The following UBE2E1 variants were observed in gnomAD, a reference collection of about 807,000 sequenced individuals.
The protein encoded by UBE2E1 is ubiquitin-conjugating enzyme E2 E1.
UBE2E1 carries 6 observed loss-of-function variants against 21.4 expected under a neutral mutation model. The ratio of observed to expected loss-of-function variants is 0.28; its 90% CI spans 0.15 to 0.55. The LOEUF (loss-of-function observed/expected upper bound fraction) is 0.55, where lower values mean the gene tolerates loss of function less well. Ranked by LOEUF, UBE2E1 falls within the 20% of genes least tolerant of loss-of-function variation. UBE2E1 has a pLI of 0.93. For synonymous variants in UBE2E1, 87 were observed against 82.7 expected (o/e 1.05, Z -0.28); for missense variants, 142 against 236.5 (o/e 0.60, Z 2.62).
chr3:23,844,341 T>C (rs895975052), intron 3 of UBE2E1, among the ~76,000 whole-genome samples: 19 of 152,250 alleles, frequency 1.2e-4, no homozygotes, highest in African/African-American at 4.1e-4. Context: ...ACATAAATGA[T>C]GCCTAATTCT....
rs1361717965 is a variant in UBE2E1, at chr3:23,853,155, AG to A, written c.204-34411del. ...TGATCTGCCCACCTTGGCCTCCCAG[AG>A]TGCTGGGATTACAGGCGTGAGCCAC... On this transcript the variant is annotated intron_variant, in intron 3 of 5. Coordinates refer to ENST00000306627, the MANE Select transcript of UBE2E1 (RefSeq NM_003341.5). The surrounding 1 kb of genome is among the most constrained non-coding windows in gnomAD (Gnocchi z 4.1). 9.9e-5 allele frequency among the ~76,000 whole-genome samples: 15 copies of A among 152,266 alleles called. No individual in the cohort carries two copies. In the East Asian group the frequency reaches 1.5e-3, roughly 16 times the overall value.
rs368620645 is a variant in UBE2E1 at position 23,887,556 on chromosome 3, A to G, written c.204-11A>G. On this transcript the variant is annotated splice_polypyrimidine_tract_variant and intron_variant, in intron 3 of 5. Transcript: ENST00000306627. This position sits in a 1 kb window ranked among gnomAD's most constrained non-coding sequence, Gnocchi z 4.4. Reference sequence around the variant, plus strand: ...CCACCATCTGCTTATTTGTTGACGTATTATTCACAGTGCTGGTCCCAAAGG... The same window carrying G: ...CCACCATCTGCTTATTTGTTGACGTGTTATTCACAGTGCTGGTCCCAAAGG... 1.3e-5 allele frequency: 20 copies of G among 1,599,946 alleles called. No individual in the cohort carries two copies. Among genetic ancestry groups the G allele is most frequent in the Non-Finnish European group, 1.6e-5 (19 of 1,176,544 alleles).
At chr3:23,846,967 A>G (rs914399676) in intron 3 of UBE2E1, among the ~76,000 whole-genome samples, 17 of 152,300 alleles carry the variant, frequency 1.1e-4, no homozygotes, top group African/African-American at 3.8e-4. Flanking sequence ...TGCGAGGTCA[A>G]TATGTTAATC....
At chr3:23,846,718 A>AAG (rs59695861) in intron 3 of UBE2E1, among the ~76,000 whole-genome samples, 2 of 149,416 alleles carry the variant, frequency 1.3e-5, no homozygotes, top group Non-Finnish European at 1.5e-5. Flanking sequence ...AAAAAAAAAA[A>AAG]GGGAATGGGT....
intron 3 of UBE2E1, among the ~76,000 whole-genome samples, chr3:23,831,942 C>A (rs1047581024): frequency 6.6e-6 from 1 of 152,172 alleles, no homozygotes; most frequent in South Asian, 2.1e-4. Flanking sequence ...TCAGGTGATT[C>A]GCCTGCCTCC....
chr3:23,811,113 G>A lies in UBE2E1; in HGVS notation c.153-347G>A, dbSNP rs944255049. 16 of 298,778 alleles carry A rather than the reference G, an allele frequency of 5.4e-5. No homozygotes were observed. The Admixed American group carries it at 7.1e-4, about 13-fold the overall frequency. The allele number at this position is 298,778 out of a possible 1,614,324, so 18.5% of individuals were successfully genotyped here. A position where few individuals can be genotyped will look rare whatever the true frequency, so the allele number is the denominator to read the frequency against. Reference sequence around the variant, plus strand: ...CCGATGGCTGTGATCTCTCCGTGCTGGGGAGAGGTGCAGGGGAGGGACTGA... The same window carrying A: ...CCGATGGCTGTGATCTCTCCGTGCTAGGGAGAGGTGCAGGGGAGGGACTGA... On this transcript the variant is annotated intron_variant, in intron 2 of 5. Transcript: ENST00000306627.
intron 3 of UBE2E1, chr3:23,879,137 C>G: frequency 1.6e-6 from 1 of 610,752 alleles, no homozygotes; most frequent in South Asian, 1.5e-5. Flanking sequence ...GCTTGGTTTT[C>G]TATATCCTAG....
At chr3:23,844,374 A>G (rs568657997) in intron 3 of UBE2E1, among the ~76,000 whole-genome samples, 2 of 152,314 alleles carry the variant, frequency 1.3e-5, no homozygotes, top group African/African-American at 4.8e-5. Flanking sequence ...TCTAAGCACA[A>G]TGTTTTAAGC....
At chr3:23,880,579 T>C (rs1701015493) in intron 3 of UBE2E1, among the ~76,000 whole-genome samples, 1 of 152,164 alleles carries the variant, frequency 6.6e-6, no homozygotes, top group Non-Finnish European at 1.5e-5. Context: ...ATATCCTAAA[T>C]TTCACTTTGC....
Position 23,860,410 on chromosome 3 carries a change from A to G in UBE2E1, c.204-27157A>G, listed in dbSNP as rs552720689. ...TGGGGCTCATTGTTAATGGAAGCGC[A>G]CATTAACAAAACACTAAAATGGCCA... is the stretch of plus-strand genomic sequence containing the variant. On this transcript the variant is annotated intron_variant, in intron 3 of 5. Transcript: ENST00000306627. 1.5e-4 allele frequency among the ~76,000 whole-genome samples: 23 copies of G among 152,370 alleles called. 1 individual carries two copies. In the South Asian group the frequency reaches 4.8e-3, roughly 32 times the overall value.
At chr3:23,822,794 A>G (rs1426003541) in intron 3 of UBE2E1, among the ~76,000 whole-genome samples, 1 of 152,152 alleles carries the variant, frequency 6.6e-6, no homozygotes, top group Non-Finnish European at 1.5e-5. Context: ...AGCATAAGTT[A>G]CTCATCATAT....
rs761643248 is a variant in UBE2E1, at chr3:23,887,845, T to C, written c.336+146T>C. On this transcript the variant is annotated intron_variant, in intron 4 of 5. Transcript: ENST00000306627. The surrounding 1 kb of genome is among the most constrained non-coding windows in gnomAD (Gnocchi z 4.4). ...GAGTATTTTAACATATACAAAACAC[T>C]TCTTTAGGTTGATTTTGCCTTATCT... is the stretch of plus-strand genomic sequence containing the variant. 1 of 1,127,698 alleles carries C rather than the reference T, an allele frequency of 8.9e-7. No homozygotes were observed. The allele number at this position is 1,127,698 out of a possible 1,614,324, so 69.9% of individuals were successfully genotyped here.
At chr3:23,829,918 C>A (rs1487078968) in intron 3 of UBE2E1, among the ~76,000 whole-genome samples, 1 of 152,130 alleles carries the variant, frequency 6.6e-6, no homozygotes, top group African/African-American at 2.4e-5. Context: ...TTCGGAATTT[C>A]TGTAGAGAAA....
chr3:23,841,946 G>A (rs9880176), intron 3 of UBE2E1, among the ~76,000 whole-genome samples: 426 of 152,262 alleles, frequency 2.8e-3, no homozygotes, highest in African/African-American at 9.7e-3. Context: ...GTGTTGAGTG[G>A]CTGACTGCTG....
intron 3 of UBE2E1, among the ~76,000 whole-genome samples, chr3:23,882,152 C>T (rs959718271): frequency 6.6e-6 from 1 of 152,322 alleles, no homozygotes; most frequent in African/African-American, 2.4e-5. Flanking sequence ...ACTGCTGGCT[C>T]TGGCAGCCTG....
At chr3:23,867,890 A>C (rs1700693584) in intron 3 of UBE2E1, among the ~76,000 whole-genome samples, 1 of 152,168 alleles carries the variant, frequency 6.6e-6, no homozygotes, top group African/African-American at 2.4e-5. Context: ...TAAGGCCAAA[A>C]TCTGTCCTTC....
chr3:23,813,163 C>T (rs1699439718), intron 3 of UBE2E1, among the ~76,000 whole-genome samples: 1 of 152,120 alleles, frequency 6.6e-6, no homozygotes. Context: ...TCAGGGGATG[C>T]ACCAAACTGG....
chr3:23,829,164 CAAA>C (rs56097157), intron 3 of UBE2E1, among the ~76,000 whole-genome samples: 2 of 128,126 alleles, frequency 1.6e-5, no homozygotes, highest in African/African-American at 2.9e-5. Context: ...GACAGGGCCT[CAAA>C]AAAAAAAAAA....
At chr3:23,809,502 G>C (rs1699342163) in intron 2 of UBE2E1, among the ~76,000 whole-genome samples, 1 of 152,202 alleles carries the variant, frequency 6.6e-6, no homozygotes, top group South Asian at 2.1e-4. Context: ...AGCCCCCATT[G>C]CAAGTGGTCT....
Sources: allele counts gnomAD v4.1 joint callset (sites outside exome capture counted in the v4.1 genomes callset), GRCh38; gene constraint gnomAD v4.1.1; non-coding constraint Gnocchi (gnomAD v3.1); transcripts MANE v1.5; gene names NCBI Gene and HGNC (gene_info 2026-07-23, HGNC 2026-07-21).